The following ZNF383 variants were observed in gnomAD, a reference collection of about 807,000 sequenced individuals.
ZNF383 encodes the protein zinc finger protein 383.
A neutral mutation model predicts 44.2 loss-of-function variants in ZNF383; 32 were observed. That is an observed-to-expected ratio of 0.72 (90% CI 0.55 to 0.97). ZNF383 has a LOEUF of 0.97. ZNF383 is among the 50% of genes least tolerant of loss of function. ZNF383 has a pLI of 0.00. For missense variants in ZNF383, 487 were observed against 562.5 expected (o/e 0.87, Z 1.36); for synonymous variants, 155 against 186.2 (o/e 0.83, Z 1.36).
At position 37,244,374 on chromosome 19, in the gene ZNF383, C is replaced by CG. The variant is rs1974279225; in HGVS notation, c.*710_*711insG. On this transcript the variant is annotated 3_prime_UTR_variant, in exon 6 of 6. Coordinates refer to ENST00000684119, the MANE Select transcript of ZNF383 (RefSeq NM_001387601.1). ...CTGGGATTACAGGCATGAGCGATTGCACCTGGCTTTATTTTTTGTTGAGAC... is the reference window on the plus strand; with the variant it reads ...CTGGGATTACAGGCATGAGCGATTGCGACCTGGCTTTATTTTTTGTTGAGAC... 1.3e-5 allele frequency: 2 copies of CG among 151,076 alleles called. No homozygotes were observed. The highest frequency in any genetic ancestry group is 4.0e-4 in the East Asian group (2 of 5,012). The allele number at this position is 151,076 out of a possible 1,614,324, so 9.4% of individuals were successfully genotyped here. A position where few individuals can be genotyped will look rare whatever the true frequency, so the allele number is the denominator to read the frequency against.
intron 3 of ZNF383, among the ~76,000 whole-genome samples, chr19:37,232,868 C>T (rs1004610180): frequency 1.3e-5 from 2 of 152,090 alleles, no homozygotes; most frequent in African/African-American, 2.4e-5. Flanking sequence ...ATGATCAGTC[C>T]GTTGCAGTTG....
rs1022521815 is a variant in ZNF383, at chr19:37,230,198, G to A, written c.-45-211G>A. The stretch of plus-strand genomic sequence containing the variant: ...GCAGGAACTTAGGTTGTTTGCATGA[G>A]GGAGAATGAATCTGAGTCCTTGTCT... On this transcript the variant is annotated intron_variant, in intron 2 of 5. Transcript: ENST00000684119. Among the ~76,000 whole-genome samples the A allele has an allele frequency of 3.3e-5, 5 of 152,148 alleles. No individual in the cohort carries two copies. In the East Asian group the frequency reaches 5.8e-4, roughly 18 times the overall value.
rs760100895 is a variant in ZNF383 at position 37,242,438 on chromosome 19, AAAG to A, written c.233-28_233-26del. On this transcript the variant is annotated intron_variant, in intron 5 of 5. Transcript: ENST00000684119. ...AGTTTAATTTTTCACAAATAGGAAA[AAAG>A]AACATTTACCATTTTATTTTCTTTC... 6.3e-6 allele frequency: 9 copies of A among 1,438,430 alleles called. No individual in the cohort carries two copies. In the Admixed American group the frequency reaches 6.6e-5, roughly 11 times the overall value. The allele number at this position is 1,438,430 out of a possible 1,614,324, so 89.1% of individuals were successfully genotyped here.
chr19:37,248,633 A>C lies in ZNF383; in HGVS notation c.*4969A>C, dbSNP rs2145561161. Reference sequence around the variant, plus strand: ...AAGTTCAAATAACTAAAGTTCTGTCAATGAAAATATATGCTCTAACCTCAA... The same window carrying C: ...AAGTTCAAATAACTAAAGTTCTGTCCATGAAAATATATGCTCTAACCTCAA... On this transcript the variant is annotated 3_prime_UTR_variant, in exon 6 of 6. Coordinates refer to ENST00000684119, the MANE Select transcript of ZNF383 (RefSeq NM_001387601.1). 6.6e-6 allele frequency: 1 copy of C among 152,356 alleles called. No individual in the cohort carries two copies. The highest frequency in any genetic ancestry group is 2.1e-4 in the South Asian group (1 of 4,826). 9.4% of individuals were successfully genotyped at this position (152,356 alleles called of 1,614,324 possible).
intron 1 of ZNF383, among the ~76,000 whole-genome samples, chr19:37,223,463 C>T (rs556365568): frequency 5.9e-5 from 9 of 151,976 alleles, no homozygotes; most frequent in South Asian, 2.1e-4. Context: ...TTTAGGAAAC[C>T]GAGGCAGGAG....
intron 3 of ZNF383, among the ~76,000 whole-genome samples, chr19:37,232,373 TG>T (rs1405513569): frequency 6.6e-6 from 1 of 152,048 alleles, no homozygotes; most frequent in Non-Finnish European, 1.5e-5. Flanking sequence ...CGGCCAAAAA[TG>T]TTTTTTTCAC....
chr19:37,232,266 G>T (rs370932567), intron 3 of ZNF383, among the ~76,000 whole-genome samples: 1 of 151,746 alleles, frequency 6.6e-6, no homozygotes, highest in East Asian at 1.9e-4. Flanking sequence ...GTAGAGACTG[G>T]GTTTCATCAT....
chr19:37,227,326 C>G (rs2145488600), intron 2 of ZNF383, among the ~76,000 whole-genome samples: 1 of 149,844 alleles, frequency 6.7e-6, no homozygotes, highest in East Asian at 2.0e-4. Flanking sequence ...GTTGGTCGGG[C>G]TGGTCTTGAA....
In ZNF383 at chr19:37,244,814, A is replaced by AAG. The variant is rs1356356443; in HGVS notation, c.*1150_*1151insAG. 3 of 152,250 alleles carry AAG rather than the reference A, an allele frequency of 2.0e-5. No homozygotes were observed. Among genetic ancestry groups the AAG allele is most frequent in the African/African-American group, 7.2e-5 (3 of 41,464 alleles). 9.4% of individuals were successfully genotyped at this position (152,250 alleles called of 1,614,324 possible). A position where few individuals can be genotyped will look rare whatever the true frequency, so the allele number is the denominator to read the frequency against. On this transcript the variant is annotated 3_prime_UTR_variant, in exon 6 of 6. Coordinates refer to ENST00000684119, the MANE Select transcript of ZNF383 (RefSeq NM_001387601.1). ...TCAATTTGGTAGAGAAAATCGTGCT[A>AAG]TACTTTGCTTTTTTAAGAAAGTGTA... is the stretch of plus-strand genomic sequence containing the variant.
rs1453238727 is a variant in ZNF383, at chr19:37,243,890, C to CT, written c.*229dup. 2 of 410,756 alleles carry CT rather than the reference C, an allele frequency of 4.9e-6. No homozygotes were observed. Among genetic ancestry groups the CT allele is most frequent in the Non-Finnish European group, 8.6e-6 (2 of 233,446 alleles). 25.4% of individuals were successfully genotyped at this position (410,756 alleles called of 1,614,324 possible). On this transcript the variant is annotated 3_prime_UTR_variant, in exon 6 of 6. Transcript: ENST00000684119. ...TTCTTTCATTCATTGTTTTGTTCTACTTTCTTGGTGACACATTATACTCAT... is the reference window on the plus strand; with the variant it reads ...TTCTTTCATTCATTGTTTTGTTCTACTTTTCTTGGTGACACATTATACTCAT...
chr19:37,232,107 ACT>A (rs1263739212), intron 3 of ZNF383, among the ~76,000 whole-genome samples: 1 of 148,452 alleles, frequency 6.7e-6, no homozygotes, highest in African/African-American at 2.5e-5. Flanking sequence ...ACGGAGTCTC[ACT>A]CTGTCGCCTA....
At position 37,243,401 on chromosome 19, in the gene ZNF383, G is replaced by A. The variant is rs371681194; in HGVS notation, c.1165G>A (p.Ala389Thr). The A allele has an allele frequency of 6.2e-6, 10 of 1,613,504 alleles. No individual in the cohort carries two copies. Among genetic ancestry groups the A allele is most frequent in the Non-Finnish European group, 6.8e-6 (8 of 1,179,904 alleles). The change falls in exon 6 of 6, where the codon GCT (alanine) becomes ACT (threonine). Residue 389 changes from alanine to threonine, a missense_variant. Ala to Thr is a moderately conservative substitution (Grantham distance 58). Coordinates refer to ENST00000684119, the MANE Select transcript of ZNF383 (RefSeq NM_001387601.1). Reference protein sequence around the residue: ...SQLRQHQRIHAGEKPFECLEC... With the variant: ...SQLRQHQRIHTGEKPFECLEC... Reference sequence around the variant, plus strand: ...GCTTCGTCAACATCAGAGAATTCACGCTGGTGAGAAACCCTTTGAATGTCT... The same window carrying A: ...GCTTCGTCAACATCAGAGAATTCACACTGGTGAGAAACCCTTTGAATGTCT...
intron 2 of ZNF383, among the ~76,000 whole-genome samples, chr19:37,229,070 G>A (rs1973321334): frequency 6.6e-6 from 1 of 151,660 alleles, no homozygotes; most frequent in Non-Finnish European, 1.5e-5. Flanking sequence ...CCCCTTTTAG[G>A]AGACTCTTAA....
intron 3 of ZNF383, among the ~76,000 whole-genome samples, chr19:37,231,593 A>G (rs763925145): frequency 1.3e-5 from 2 of 152,210 alleles, no homozygotes; most frequent in Non-Finnish European, 2.9e-5. Context: ...CTAAGATCAC[A>G]TGGGGGTAGT....
rs1973753405 is a variant in ZNF383, at chr19:37,235,651, A to G, written c.112A>G (p.Asn38Asp). 4 of 1,611,592 alleles carry G rather than the reference A, an allele frequency of 2.5e-6. No individual in the cohort carries two copies. The highest frequency in any genetic ancestry group is 3.4e-6 in the Non-Finnish European group (4 of 1,178,956). The change falls in exon 4 of 6, where the codon AAC becomes GAC. Residue 38 changes from asparagine (N) to aspartate (D), a missense_variant. Asn to Asp is a conservative substitution (Grantham distance 23). Coordinates refer to ENST00000684119, the MANE Select transcript of ZNF383 (RefSeq NM_001387601.1). The stretch of plus-strand genomic sequence containing the variant: ...CTTATACAGAGATGTGATGTTGGAG[A>G]ACTACGGCAATCTGGTTTCAATGGG... ...RDLYRDVMLE[N>D]YGNLVSMGLY...
chr19:37,231,298 C>T (rs983661468), intron 3 of ZNF383, among the ~76,000 whole-genome samples: 7 of 151,976 alleles, frequency 4.6e-5, no homozygotes, highest in Admixed American at 6.6e-5. Flanking sequence ...CAGAGGCAGG[C>T]GGATCACCTG....
chr19:37,221,963 A>AAG (rs79864256), intron 1 of ZNF383, among the ~76,000 whole-genome samples: 1 of 151,210 alleles, frequency 6.6e-6, no homozygotes, highest in African/African-American at 2.4e-5. Context: ...CTCAAAAAAA[A>AAG]AAAAAAAAAA....
Position 37,222,332 on chromosome 19 carries a change from G to C in ZNF383, c.-167-2486G>C, listed in dbSNP as rs957152629. On this transcript the variant is annotated intron_variant, in intron 1 of 5. Transcript: ENST00000684119. ...AGTTATAGGTGATATAATGAATATA[G>C]TGAACACATTATTATTGCTGTTTAA... Among the ~76,000 whole-genome samples the C allele has an allele frequency of 5.3e-5, 8 of 152,210 alleles. No homozygotes were observed. The East Asian group carries it at 1.5e-3, about 29-fold the overall frequency.
intron 1 of ZNF383, among the ~76,000 whole-genome samples, chr19:37,222,066 C>G (rs542906105): frequency 1.1e-4 from 16 of 152,068 alleles, no homozygotes; most frequent in Non-Finnish European, 2.1e-4. Flanking sequence ...CCAGTTCACT[C>G]ACTACCCACT....
Sources: gnomAD v4.1 joint callset for allele counts (sites outside exome capture counted in the v4.1 genomes callset) on GRCh38, gnomAD v4.1.1 for gene constraint, MANE v1.5 for transcripts, NCBI Gene and HGNC (gene_info 2026-07-23, HGNC 2026-07-21) for gene names.